Variants in HDAC7 observed in about 807,000 individuals in gnomAD.
HDAC7 encodes the protein histone deacetylase 7.
A neutral mutation model predicts 115.5 loss-of-function variants in HDAC7; 26 were observed. That is an observed-to-expected ratio of 0.23 (90% CI 0.16 to 0.31). HDAC7 has a LOEUF of 0.31. HDAC7 is among the 10% of genes least tolerant of loss of function. The pLI, the probability that HDAC7 is intolerant of heterozygous loss-of-function variation, is 1.00. For missense variants in HDAC7, 1,068 were observed against 1,329.0 expected (o/e 0.80, Z 3.05); for synonymous variants, 564 against 550.9 (o/e 1.02, Z -0.33).
At chr12:47,787,871 T>A (rs980892956) in intron 20 of HDAC7, 62 bp from the exon 21 acceptor site, 8 of 1,545,182 alleles carry the variant, frequency 5.2e-6, no homozygotes, top group Non-Finnish European at 7.1e-6. Flanking sequence ...GAACACCAGT[T>A]TGTTAGAGCT....
chr12:47,815,914 TAC>T (rs1944835451), intron 1 of HDAC7, among the ~76,000 whole-genome samples: 1 of 148,042 alleles, frequency 6.8e-6, no homozygotes, highest in Admixed American at 6.7e-5. Flanking sequence ...TTTTTTTTTT[TAC>T]AGAGTCTTGC....
At chr12:47,805,957 A>T (rs962689241) in intron 1 of HDAC7, among the ~76,000 whole-genome samples, 19 of 152,232 alleles carry the variant, frequency 1.2e-4, no homozygotes, top group Admixed American at 2.6e-4. Context: ...GCAGCCTTAA[A>T]CATATTTGAA....
At chr12:47,786,033 TG>T in intron 22 of HDAC7, 148 bp from the exon 23 acceptor site, 1 of 858,900 alleles carries the variant, frequency 1.2e-6, no homozygotes, top group Non-Finnish European at 1.7e-6. Context: ...TCACATTGAA[TG>T]TCGTACAAAA....
At chr12:47,807,821 CA>C (rs1398726235) in intron 1 of HDAC7, among the ~76,000 whole-genome samples, 1 of 152,210 alleles carries the variant, frequency 6.6e-6, no homozygotes, top group African/African-American at 2.4e-5. Flanking sequence ...GTGCTGGAAA[CA>C]GGGGGCTGGC....
chr12:47,789,743 C>T, intron 17 of HDAC7, 70 bp downstream of exon 17: 1 of 1,391,270 alleles, frequency 7.2e-7, no homozygotes, highest in South Asian at 1.2e-5. Flanking sequence ...GGGTTCTGGG[C>T]CTGGATTCCC....
At chr12:47,783,971 G>A in intron 25 of HDAC7, 85 bp from the exon 26 acceptor site, 1 of 1,604,118 alleles carries the variant, frequency 6.2e-7, no homozygotes, top group Non-Finnish European at 8.5e-7. Context: ...CCCTGGTCAG[G>A]AAGCCTGGGA....
intron 24 of HDAC7, chr12:47,784,474 C>T (rs1752530321): frequency 1.7e-6 from 1 of 602,560 alleles, no homozygotes; most frequent in Non-Finnish European, 2.9e-6. Flanking sequence ...CTCTCATCCC[C>T]TGTGGCTGCA....
intron 1 of HDAC7, among the ~76,000 whole-genome samples, chr12:47,807,393 A>G (rs186990210): frequency 6.6e-6 from 1 of 152,266 alleles, no homozygotes; most frequent in African/African-American, 2.4e-5. Flanking sequence ...TGACAAACCT[A>G]TGAGGTATTT....
chr12:47,789,870 G>A lies in HDAC7; in HGVS notation c.2034C>T (p.Arg678=). 1 of 1,613,872 alleles carries A rather than the reference G, an allele frequency of 6.2e-7. No individual in the cohort carries two copies. Residue 678 remains arginine, a synonymous_variant, in exon 17 of 26, where the codon CGC becomes CGT. Transcript: ENST00000080059. The part of the protein sequence containing the change: ...WNELHSSNAA[R]WAAGSVTDLA... ...GGTCAGTGACACTGCCAGCGGCCCA[G>A]CGGGCTGCATTGGAGGAATGAAGCT...
intron 1 of HDAC7, among the ~76,000 whole-genome samples, chr12:47,818,415 C>T (rs1944910089): frequency 6.6e-6 from 1 of 152,246 alleles, no homozygotes; most frequent in South Asian, 2.1e-4. Flanking sequence ...CTTAGTTTCC[C>T]TCAGAAATGA....
At chr12:47,788,348 G>C (rs1046665801) in intron 19 of HDAC7, 184 bp from the exon 20 acceptor site, 1 of 603,126 alleles carries the variant, frequency 1.7e-6, no homozygotes, top group Non-Finnish European at 2.6e-6. Flanking sequence ...TCTGAACCTC[G>C]GCCTCTCTGT....
At chr12:47,807,805 G>C (rs560502010) in intron 1 of HDAC7, among the ~76,000 whole-genome samples, 10 of 152,312 alleles carry the variant, frequency 6.6e-5, no homozygotes, top group Admixed American at 5.2e-4. Context: ...AATGATTTGG[G>C]ACTGTGTGCT....
intron 20 of HDAC7, 38 bp downstream of exon 20, chr12:47,788,007 C>G: frequency 3.1e-6 from 5 of 1,596,310 alleles, no homozygotes; most frequent in Admixed American, 1.7e-5. Flanking sequence ...AGGAGGAGGT[C>G]AATGAGGCTG....
intron 1 of HDAC7, among the ~76,000 whole-genome samples, chr12:47,810,471 G>A (rs34379708): frequency 0.084 from 12,742 of 152,114 alleles, 679 homozygotes; most frequent in African/African-American, 0.16. Context: ...GAGGCCCTAG[G>A]GTATGCTCCC....
chr12:47,788,890 C>G (rs1334683816), intron 19 of HDAC7: 2 of 194,694 alleles, frequency 1.0e-5, no homozygotes, highest in Non-Finnish European at 2.1e-5. Context: ...GTAAAACCAT[C>G]AGTGTCTGGA....
At chr12:47,791,155 A>G in intron 16 of HDAC7, 104 bp downstream of exon 16, 2 of 1,155,318 alleles carry the variant, frequency 1.7e-6, no homozygotes, top group South Asian at 2.6e-5. Context: ...GTCTGGCAGA[A>G]CCACAACAAG....
chr12:47,793,386 G>A lies in HDAC7; in HGVS notation c.1661C>T (p.Thr554Ile), dbSNP rs774012155. 5.8e-6 allele frequency: 9 copies of A among 1,548,746 alleles called. No homozygotes were observed. The highest frequency in any genetic ancestry group is 5.4e-5 in the African/African-American group (4 of 73,864). The change falls in exon 13 of 26, where the codon ACC becomes ATC. Residue 554 changes from threonine (T) to isoleucine (I), a missense_variant. Physicochemically the swap from Thr to Ile is moderately conservative, Grantham distance 89. Around this residue, in one of 6 missense-constraint regions of HDAC7, gnomAD observed 618 missense variants for 701.5 expected, o/e 0.88. Coordinates refer to ENST00000080059, the MANE Select transcript of HDAC7 (RefSeq NM_015401.5). This position sits in a 1 kb window ranked among gnomAD's most constrained non-coding sequence, Gnocchi z 4.5. The stretch of plus-strand genomic sequence containing the variant: ...GGTCTCACCTGTGGTGAAGGGCAGG[G>A]TCCTGGCAGGGGTCTCTGAGCTGGA... ...VLSSSETPAR[T>I]LPFTTGLIYD...
intron 1 of HDAC7, among the ~76,000 whole-genome samples, chr12:47,818,799 C>T (rs1944920438): frequency 1.3e-5 from 2 of 152,294 alleles, no homozygotes; most frequent in South Asian, 4.2e-4. Flanking sequence ...CCTTTGGGTG[C>T]GCAAGACAGC....
Position 47,791,655 on chromosome 12 carries a change from C to T in HDAC7, c.1864G>A (p.Glu622Lys). Residue 622 changes from glutamate (E) to lysine (K), a missense_variant, in exon 15 of 26, where the codon GAG becomes AAG. Around this residue, in one of 6 missense-constraint regions of HDAC7, gnomAD observed 618 missense variants for 701.5 expected, o/e 0.88. Coordinates refer to ENST00000080059, the MANE Select transcript of HDAC7 (RefSeq NM_015401.5). ...GTGCCGTAGAGGAGCACGTGCCGCT[C>T]AGAGTGGACCGACTGCAGCTCTTCC... ...SLEELQSVHS[E>K]RHVLLYGTNP... 1 of 1,613,594 alleles carries T rather than the reference C, an allele frequency of 6.2e-7. No individual in the cohort carries two copies. The highest frequency in any genetic ancestry group is 2.2e-5 in the East Asian group (1 of 44,870).
Sources: gnomAD v4.1 joint callset for allele counts (sites outside exome capture counted in the v4.1 genomes callset) on GRCh38, gnomAD v4.1.1 for gene constraint, gnomAD v4.1.1 regional missense constraint, Gnocchi (gnomAD v3.1) non-coding constraint, MANE v1.5 for transcripts, NCBI Gene and HGNC (gene_info 2026-07-23, HGNC 2026-07-21) for gene names.